NOX4: variants seen among roughly 807,000 people sequenced by gnomAD.
NOX4 encodes kidney oxidase-1.
Under a neutral mutation model 87.6 loss-of-function variants are expected in NOX4, and 69 were observed. The ratio of observed to expected loss-of-function variants is 0.79; its 90% CI spans 0.65 to 0.96. NOX4 has a LOEUF of 0.96. Among genes scored for constraint, NOX4 ranks in the 40% least tolerant of loss-of-function variants. NOX4 has a pLI of 0.00. For missense variants in NOX4, 680 were observed against 681.5 expected, an observed-to-expected ratio of 1.00 and a Z score of 0.02; for synonymous variants, 275 against 238.2, an observed-to-expected ratio of 1.15 and a Z score of -1.42.
At chr11:89,518,901 A>AT in the NOX4 span, among the ~76,000 whole-genome samples, 5 of 146,640 alleles carry the variant, frequency 3.4e-5, no homozygotes, top group African/African-American at 1.3e-4. Context: ...TGTGATTATG[A>AT]TAAAAAAATC....
the NOX4 span, among the ~76,000 whole-genome samples, chr11:89,504,204 C>A: frequency 1.3e-5 from 2 of 151,878 alleles, no homozygotes; most frequent in Middle Eastern, 3.4e-3. Context: ...TGGAAGAGAA[C>A]TCTTGGCCCA....
chr11:89,548,834 G>C, the NOX4 span: 1 of 152,158 alleles, frequency 6.6e-6, no homozygotes, highest in South Asian at 2.1e-4. Context: ...CCACAGACTG[G>C]AAGCCGCTGC....
chr11:89,556,278 A>T, the NOX4 span, among the ~76,000 whole-genome samples: 1 of 152,106 alleles, frequency 6.6e-6, no homozygotes, highest in Non-Finnish European at 1.5e-5. Flanking sequence ...GGAGAAAAAA[A>T]ATTCTAGCAC....
the NOX4 span, among the ~76,000 whole-genome samples, chr11:89,582,468 A>G: frequency 6.6e-6 from 1 of 152,086 alleles, no homozygotes; most frequent in Non-Finnish European, 1.5e-5. Flanking sequence ...ACTGTTTTCC[A>G]TCATAGCTGC....
Position 89,402,504 on chromosome 11 carries a change from G to A in NOX4, c.668C>T (p.Pro223Leu). Residue 223 changes from proline to leucine, a missense_variant, in exon 9 of 18, where the codon CCT (proline) becomes CTT (leucine). By Grantham distance (98) the Pro-to-Leu change is moderately conservative (BLOSUM62 -3). Transcript: ENST00000263317. Reference protein sequence around the residue: ...LKYQTNLDTHPPGCISLNRTS... With the variant: ...LKYQTNLDTHLPGCISLNRTS... ...TCGGTTAAGACTGATGCAGCCGGGA[G>A]GGTGGGTATCTAAATTAGTTTGATA... 1.2e-6 allele frequency: 2 copies of A among 1,611,378 alleles called. No homozygotes were observed. The highest frequency in any genetic ancestry group is 1.1e-5 in the South Asian group (1 of 90,504).
At chr11:89,570,300 TATTGAGTATAC>T in the NOX4 span, among the ~76,000 whole-genome samples, 4 of 152,132 alleles carry the variant, frequency 2.6e-5, no homozygotes, top group Non-Finnish European at 5.9e-5. Context: ...GGGAGCTAAA[TATTGAGTATAC>T]ATGGTTATAA....
the NOX4 span, among the ~76,000 whole-genome samples, chr11:89,560,254 C>T: frequency 1.5e-4 from 23 of 152,198 alleles, no homozygotes; most frequent in South Asian, 1.0e-3. Flanking sequence ...CAATGACCTC[C>T]GTCAGAAGCT....
intron 7 of NOX4, among the ~76,000 whole-genome samples, chr11:89,428,496 C>G (rs1391568203): frequency 6.6e-6 from 1 of 151,592 alleles, no homozygotes; most frequent in Non-Finnish European, 1.5e-5. Flanking sequence ...CACACATAGG[C>G]TCAAAATAAA....
intron 9 of NOX4, 47 bp from the exon 10 acceptor site, chr11:89,400,426 A>G: frequency 7.0e-7 from 1 of 1,423,532 alleles, no homozygotes; most frequent in Non-Finnish European, 9.5e-7. Flanking sequence ...CTCATATTGT[A>G]GAAATCTACA....
intron 11 of NOX4, among the ~76,000 whole-genome samples, chr11:89,377,935 A>C (rs1049408660): frequency 1.3e-5 from 2 of 152,154 alleles, no homozygotes; most frequent in African/African-American, 4.8e-5. Context: ...TCCTATTAAT[A>C]CTTCCAAAAC....
At chr11:89,403,682 C>T (rs925334501) in intron 8 of NOX4, among the ~76,000 whole-genome samples, 2 of 152,014 alleles carry the variant, frequency 1.3e-5, no homozygotes, top group African/African-American at 2.4e-5. Context: ...GCGGAGGTTG[C>T]GGTGACCCTG....
chr11:89,539,249 C>T, the NOX4 span, among the ~76,000 whole-genome samples: 7 of 152,150 alleles, frequency 4.6e-5, no homozygotes, highest in African/African-American at 4.8e-5. Context: ...CTGGCTAACA[C>T]GATGAAAACC....
intron 2 of NOX4, among the ~76,000 whole-genome samples, chr11:89,453,208 C>A (rs1427040731): frequency 1.3e-5 from 2 of 151,814 alleles, no homozygotes; most frequent in Non-Finnish European, 2.9e-5. Flanking sequence ...CTGTCCACTC[C>A]CATCCCCATG....
intron 12 of NOX4, 104 bp from the exon 13 acceptor site, chr11:89,355,147 A>G: frequency 1.3e-6 from 1 of 790,216 alleles, no homozygotes; most frequent in Non-Finnish European, 2.1e-6. Flanking sequence ...AGACATTTTG[A>G]CTGTATATCC....
At chr11:89,340,325 T>A (rs1479742532) in intron 14 of NOX4, among the ~76,000 whole-genome samples, 154 bp from the exon 15 acceptor site, 2 of 152,208 alleles carry the variant, frequency 1.3e-5, no homozygotes, top group African/African-American at 4.8e-5. Flanking sequence ...CATTCTAGCG[T>A]CTGATAGCAC....
chr11:89,578,702 G>A, the NOX4 span, among the ~76,000 whole-genome samples: 3 of 152,076 alleles, frequency 2.0e-5, no homozygotes, highest in African/African-American at 7.2e-5. Context: ...ATATATTGAG[G>A]TCAACAGGAA....
At chr11:89,342,619 C>T (rs1946055043) in intron 13 of NOX4, among the ~76,000 whole-genome samples, 2 of 152,050 alleles carry the variant, frequency 1.3e-5, no homozygotes, top group African/African-American at 4.8e-5. Flanking sequence ...ACTGGAAATA[C>T]TTATTTAAAC....
chr11:89,391,245 G>C (rs562323771), intron 11 of NOX4, among the ~76,000 whole-genome samples: 3 of 152,216 alleles, frequency 2.0e-5, no homozygotes, highest in African/African-American at 7.2e-5. Flanking sequence ...CTCATAAAAG[G>C]AAAGGTCAGG....
At chr11:89,371,642 A>T (rs1939450574) in intron 12 of NOX4, among the ~76,000 whole-genome samples, 1 of 151,888 alleles carries the variant, frequency 6.6e-6, no homozygotes, top group South Asian at 2.1e-4. Flanking sequence ...GATTCTCACC[A>T]GAAAAGAACT....
Sources: allele counts gnomAD v4.1 joint callset (sites outside exome capture counted in the v4.1 genomes callset), GRCh38; gene constraint gnomAD v4.1.1; transcripts MANE v1.5; gene names NCBI Gene and HGNC (gene_info 2026-07-23, HGNC 2026-07-21).